Variants in TBC1D13 observed in about 807,000 individuals in gnomAD.
TBC1D13 encodes the protein epididymis secretory sperm binding protein.
TBC1D13 carries 40 observed loss-of-function variants against 53.6 expected under a neutral mutation model. The observed-to-expected ratio is 0.75, with a 90% CI of 0.58 to 0.97. The LOEUF is 0.97. TBC1D13 is among the 50% of genes least tolerant of loss of function. TBC1D13 has a pLI of 0.00. For synonymous variants in TBC1D13, 182 were observed against 197.7 expected, an observed-to-expected ratio of 0.92 and a Z score of 0.67; for missense variants, 377 against 499.4, an observed-to-expected ratio of 0.75 and a Z score of 2.34.
Position 128,787,335 on chromosome 9 carries a change from G to T in TBC1D13, c.-19G>T. The T allele has an allele frequency of 7.9e-7, 1 of 1,259,314 alleles. No homozygotes were observed. The allele number at this position is 1,259,314 out of a possible 1,614,324, so 78.0% of individuals were successfully genotyped here. Reference sequence around the variant, plus strand: ...GGCGCAGGCGGCGGAGGCGGCTGGGGGGTCCGGAAGTCAACACCATGTCAA... The same window carrying T: ...GGCGCAGGCGGCGGAGGCGGCTGGGTGGTCCGGAAGTCAACACCATGTCAA... On this transcript the variant is annotated 5_prime_UTR_variant, in exon 1 of 12. Transcript: ENST00000372648.
intron 2 of TBC1D13, among the ~76,000 whole-genome samples, chr9:128,789,620 T>C (rs1829492607): frequency 6.6e-6 from 1 of 151,900 alleles, no homozygotes; most frequent in South Asian, 2.1e-4. Flanking sequence ...TGAAATAATA[T>C]CTGTAAAGCA....
chr9:128,796,741 C>T (rs1218816447), intron 6 of TBC1D13, among the ~76,000 whole-genome samples: 1 of 151,638 alleles, frequency 6.6e-6, no homozygotes, highest in Admixed American at 6.6e-5. Flanking sequence ...AGATCAAGAC[C>T]ATCCTGGCTA....
intron 7 of TBC1D13, among the ~76,000 whole-genome samples, chr9:128,802,767 T>C (rs1829759961): frequency 6.6e-6 from 1 of 151,024 alleles, no homozygotes; most frequent in Non-Finnish European, 1.5e-5. Context: ...GACAGTGTCT[T>C]GTTGTCACCC....
chr9:128,799,564 C>T (rs1829695101), intron 7 of TBC1D13, among the ~76,000 whole-genome samples: 1 of 152,166 alleles, frequency 6.6e-6, no homozygotes, highest in Non-Finnish European at 1.5e-5. Flanking sequence ...TCAGCCAGTT[C>T]AGGGTCAAGT....
chr9:128,794,366 G>T (rs1324933123), intron 6 of TBC1D13, among the ~76,000 whole-genome samples: 1 of 152,232 alleles, frequency 6.6e-6, no homozygotes, highest in Non-Finnish European at 1.5e-5. Flanking sequence ...GGCTAGGGTT[G>T]GTGCAGTGTT....
intron 5 of TBC1D13, 146 bp from the exon 6 acceptor site, chr9:128,792,346 C>T (rs1829548482): frequency 4.5e-6 from 3 of 667,304 alleles, no homozygotes; most frequent in Non-Finnish European, 7.8e-6. Flanking sequence ...GTTGGCTCCT[C>T]TGAGTATCTT....
Position 128,803,944 on chromosome 9 carries a change from G to T in TBC1D13, c.755-12G>T. The T allele has an allele frequency of 1.2e-6, 2 of 1,612,100 alleles. No individual in the cohort carries two copies. The highest frequency in any genetic ancestry group is 1.7e-6 in the Non-Finnish European group (2 of 1,179,824). ...AGTGCGCCACTTCTGCCCCCATCCT[G>T]CTCTCTCCCAGAGCACGCCGAGGCA... On this transcript the variant is annotated splice_polypyrimidine_tract_variant and intron_variant, in intron 8 of 11. Transcript: ENST00000372648.
At chr9:128,793,625 G>A (rs147402119) in intron 6 of TBC1D13, among the ~76,000 whole-genome samples, 6 of 152,354 alleles carry the variant, frequency 3.9e-5, no homozygotes, top group Non-Finnish European at 5.9e-5. Flanking sequence ...CCACAGATAC[G>A]TGGGACTTAG....
chr9:128,806,431 G>A (rs1829836212), intron 11 of TBC1D13, 120 bp downstream of exon 11: 2 of 1,163,860 alleles, frequency 1.7e-6, no homozygotes, highest in African/African-American at 1.5e-5. Context: ...AGGGATTAAA[G>A]TCCAGACCCC....
chr9:128,807,668 T>C, intron 11 of TBC1D13, 146 bp from the exon 12 acceptor site: 1 of 784,592 alleles, frequency 1.3e-6, no homozygotes, highest in African/African-American at 1.7e-5. Context: ...GGTCTGGGGG[T>C]TGGGGAGTGT....
Position 128,792,489 on chromosome 9 carries a change from C to T in TBC1D13, c.301-3C>T. On this transcript the variant is annotated splice_polypyrimidine_tract_variant and splice_region_variant and intron_variant, in intron 5 of 11. Transcript: ENST00000372648. ...GACAGAGCATCTTCATTTCTCCCCACAGCCACTCAACCCCAACCCTGACAG... is the reference window on the plus strand; with the variant it reads ...GACAGAGCATCTTCATTTCTCCCCATAGCCACTCAACCCCAACCCTGACAG... 1 of 1,613,982 alleles carries T rather than the reference C, an allele frequency of 6.2e-7. No individual in the cohort carries two copies. Among genetic ancestry groups the T allele is most frequent in the Non-Finnish European group, 8.5e-7 (1 of 1,179,896 alleles).
chr9:128,793,882 G>A (rs190708393), intron 6 of TBC1D13, among the ~76,000 whole-genome samples: 56 of 152,326 alleles, frequency 3.7e-4, no homozygotes, highest in African/African-American at 1.3e-3. Flanking sequence ...GCCGAGTGCC[G>A]GTGTCAGAAG....
intron 6 of TBC1D13, 51 bp from the exon 7 acceptor site, chr9:128,797,004 C>T (rs751082716): frequency 3.7e-5 from 60 of 1,600,106 alleles, no homozygotes; most frequent in African/African-American, 1.1e-4. Flanking sequence ...GATGGGATGG[C>T]GAAAACTTCC....
In TBC1D13 at chr9:128,801,921, C is replaced by G. The variant is rs566362952; in HGVS notation, c.544-1329C>G. 2.0e-5 allele frequency among the ~76,000 whole-genome samples: 3 copies of G among 151,286 alleles called. No individual in the cohort carries two copies. The East Asian group carries it at 5.9e-4, about 30-fold the overall frequency. ...GGACTACAGGTGCCCGCCACCACGC[C>G]TGGCTAATTTTTTGTATTTTTGGTA... On this transcript the variant is annotated intron_variant, in intron 7 of 11. Transcript: ENST00000372648.
chr9:128,795,905 T>G (rs1047753970), intron 6 of TBC1D13, among the ~76,000 whole-genome samples: 1 of 152,076 alleles, frequency 6.6e-6, no homozygotes, highest in Non-Finnish European at 1.5e-5. Flanking sequence ...AGATAAATAT[T>G]TTTACATGGA....
chr9:128,797,151 G>A lies in TBC1D13; in HGVS notation c.480G>A (p.Lys160=), dbSNP rs1372927579. Residue 160 remains lysine (K), a synonymous_variant, in exon 7 of 12, where the codon AAG becomes AAA. Coordinates refer to ENST00000372648, the MANE Select transcript of TBC1D13 (RefSeq NM_018201.5). ...AGAATGAGTTTGAAACCCTTCGTAA[G>A]AGAGTGGAACAGACAACACTGAAAT... ...DPQNEFETLR[K]RVEQTTLKSQ... The A allele has an allele frequency of 6.2e-7, 1 of 1,614,052 alleles. No individual in the cohort carries two copies. Among genetic ancestry groups the A allele is most frequent in the East Asian group, 2.2e-5 (1 of 44,898 alleles).
Position 128,808,105 on chromosome 9 carries a change from A to G in TBC1D13, c.*226A>G. 1.9e-6 allele frequency: 1 copy of G among 537,744 alleles called. No homozygotes were observed. Among genetic ancestry groups the G allele is most frequent in the South Asian group, 2.3e-5 (1 of 43,600 alleles). 33.3% of individuals were successfully genotyped at this position (537,744 alleles called of 1,614,324 possible). On this transcript the variant is annotated 3_prime_UTR_variant, in exon 12 of 12. Transcript: ENST00000372648. Reference sequence around the variant, plus strand: ...GCCCTCTTTGCCCAGGATACTGAGGAGGGCTGGAGCTCGGGAAGTTGTCCT... The same window carrying G: ...GCCCTCTTTGCCCAGGATACTGAGGGGGGCTGGAGCTCGGGAAGTTGTCCT...
At chr9:128,794,996 T>G (rs1489566707) in intron 6 of TBC1D13, among the ~76,000 whole-genome samples, 1 of 151,648 alleles carries the variant, frequency 6.6e-6, no homozygotes, top group Non-Finnish European at 1.5e-5. Flanking sequence ...AGTGTGAAAC[T>G]TATGGAACCA....
intron 7 of TBC1D13, 38 bp downstream of exon 7, chr9:128,797,252 C>G (rs375121789): frequency 1.2e-6 from 2 of 1,604,726 alleles, no homozygotes; most frequent in East Asian, 4.5e-5. Context: ...ACTCCCCCAA[C>G]AGTATTTTCT....
Sources: gnomAD v4.1 joint callset for allele counts (sites outside exome capture counted in the v4.1 genomes callset) on GRCh38, gnomAD v4.1.1 for gene constraint, MANE v1.5 for transcripts, NCBI Gene and HGNC (gene_info 2026-07-23, HGNC 2026-07-21) for gene names.